MPDZ: variants seen among roughly 807,000 people sequenced by gnomAD.
MPDZ encodes the protein multiple PDZ domain protein.
A neutral mutation model predicts 239.1 loss-of-function variants in MPDZ; 234 were observed. That is an observed-to-expected ratio of 0.98 (90% CI 0.88 to 1.09). The LOEUF is 1.09. Among genes scored for constraint, MPDZ ranks in the 50% least tolerant of loss-of-function variants. The pLI, the probability that MPDZ is intolerant of heterozygous loss-of-function variation, is 0.00. For missense variants in MPDZ, 3,175 were observed against 2,510.0 expected (o/e 1.26, Z -5.66); for synonymous variants, 1,048 against 881.3 (o/e 1.19, Z -3.35).
At position 13,224,500 on chromosome 9, in the gene MPDZ, T is replaced by C. The variant is rs750641038; in HGVS notation, c.267A>G (p.Gln89=). 3 of 1,612,776 alleles carry C rather than the reference T, an allele frequency of 1.9e-6. No homozygotes were observed. The highest frequency in any genetic ancestry group is 2.2e-5 in the East Asian group (1 of 44,814). Residue 89 remains glutamine (Q), a synonymous_variant, in exon 4 of 47, where the codon CAA becomes CAG. Transcript: ENST00000319217. The stretch of plus-strand genomic sequence containing the variant: ...TTGGGGATAATAAAAACGATTCATT[T>C]TGCAGAGTAGGAATCACAGCTGGGC... The part of the protein sequence containing the change: ...HLSPAVIPTL[Q]NESFLLSPNN...
At chr9:13,217,935 G>T (rs1168352287) in intron 8 of MPDZ, among the ~76,000 whole-genome samples, 2 of 151,748 alleles carry the variant, frequency 1.3e-5, no homozygotes, top group Non-Finnish European at 2.9e-5. Flanking sequence ...TTCTATGTTG[G>T]ACTGAAGAGC....
chr9:13,112,798 C>A (rs994754479), intron 42 of MPDZ, among the ~76,000 whole-genome samples: 4 of 152,096 alleles, frequency 2.6e-5, no homozygotes, highest in African/African-American at 7.2e-5. Context: ...CTATTTTCAG[C>A]AAAACAGAGC....
chr9:13,259,995 G>T (rs200748719), intron 1 of MPDZ, among the ~76,000 whole-genome samples: 1 of 151,334 alleles, frequency 6.6e-6, no homozygotes, highest in African/African-American at 2.4e-5. Context: ...CACCACGCCC[G>T]GCTAATTTTT....
At chr9:13,259,144 G>C (rs958088197) in intron 1 of MPDZ, among the ~76,000 whole-genome samples, 3 of 152,066 alleles carry the variant, frequency 2.0e-5, no homozygotes, top group East Asian at 1.9e-4. Context: ...AATCATTTTA[G>C]CTTTCACGCT....
chr9:13,231,420 A>T (rs1376966780), intron 3 of MPDZ, among the ~76,000 whole-genome samples: 1 of 152,062 alleles, frequency 6.6e-6, no homozygotes, highest in Non-Finnish European at 1.5e-5. Flanking sequence ...ACAAAAAATT[A>T]GCTGAGCATG....
rs1457776104 is a variant in MPDZ at position 13,147,667 on chromosome 9, G to A, written c.3631-9C>T. ...AGGTCCATTCCATCCACCTGCAATG[G>A]AAGGCCTCAGCTTAACATTTCAAGA... On this transcript the variant is annotated splice_polypyrimidine_tract_variant and intron_variant, in intron 25 of 46. Coordinates refer to ENST00000319217, the MANE Select transcript of MPDZ (RefSeq NM_001378778.1). 6.9e-6 allele frequency: 11 copies of A among 1,598,204 alleles called. No individual in the cohort carries two copies. The highest frequency in any genetic ancestry group is 6.6e-5 in the South Asian group (6 of 90,548).
intron 10 of MPDZ, among the ~76,000 whole-genome samples, chr9:13,214,430 A>C (rs1157752731): frequency 6.6e-6 from 1 of 151,914 alleles, no homozygotes; most frequent in African/African-American, 2.4e-5. Context: ...ATGGGGGAGA[A>C]GGTGACTGCT....
intron 36 of MPDZ, 132 bp from the exon 37 acceptor site, chr9:13,122,302 C>G (rs559237115): frequency 2.7e-6 from 2 of 750,856 alleles, no homozygotes; most frequent in Admixed American, 5.6e-5. Context: ...ACAGTACAAG[C>G]TCCATATAAT....
At chr9:13,205,583 G>C (rs1956892362) in intron 11 of MPDZ, among the ~76,000 whole-genome samples, 1 of 152,108 alleles carries the variant, frequency 6.6e-6, no homozygotes, top group South Asian at 2.1e-4. Context: ...TCCCCCTAAA[G>C]TGAGAACATT....
chr9:13,110,686 T>A lies in MPDZ; in HGVS notation c.5779A>T (p.Thr1927Ser). The change falls in exon 44 of 47, where the codon ACC becomes TCC. Residue 1927 changes from threonine (T) to serine (S), a missense_variant. Physicochemically the swap from Thr to Ser is moderately conservative, Grantham distance 58. Transcript: ENST00000319217. ...TTTTTCAGTAGGTTAACTGCTTGGG[T>A]GTGAGTCATGCCCTCAGTGGATGTG... is the stretch of plus-strand genomic sequence containing the variant. Reference protein sequence around the residue: ...CGTSTEGMTHTQAVNLLKNAS... With the variant: ...CGTSTEGMTHSQAVNLLKNAS... 1 of 1,613,698 alleles carries A rather than the reference T, an allele frequency of 6.2e-7. No individual in the cohort carries two copies. Among genetic ancestry groups the A allele is most frequent in the East Asian group, 2.2e-5 (1 of 44,854 alleles).
intron 4 of MPDZ, 117 bp downstream of exon 4, chr9:13,224,257 G>A: frequency 1.0e-6 from 1 of 985,500 alleles, no homozygotes; most frequent in East Asian, 2.5e-5. Context: ...CTGACTTTTT[G>A]TTCCAATGTT....
In MPDZ at chr9:13,192,160, C is replaced by A; in HGVS notation, c.1939G>T (p.Asp647Tyr). Residue 647 changes from aspartate to tyrosine, a missense_variant, in exon 15 of 47, where the codon GAC (aspartate) becomes TAC (tyrosine). Asp to Tyr is a radical substitution (Grantham distance 160). Coordinates refer to ENST00000319217, the MANE Select transcript of MPDZ (RefSeq NM_001378778.1). ...PTTQSELDSLDLCDIELTEKP... is the reference protein window; with the variant it reads ...PTTQSELDSLYLCDIELTEKP... The stretch of plus-strand genomic sequence containing the variant: ...TCTGTTAGCTCAATATCACATAAGT[C>A]CAGGCTATCCAATTCTGATTGGGTG... The A allele has an allele frequency of 6.2e-7, 1 of 1,609,284 alleles. No homozygotes were observed. Among genetic ancestry groups the A allele is most frequent in the East Asian group, 2.2e-5 (1 of 44,650 alleles).
In MPDZ at chr9:13,188,914, A is replaced by G. The variant is rs1954519934; in HGVS notation, c.2234T>C (p.Leu745Pro). ...PGGIAEKDGRLLPGDRLMFVN... is the reference protein window; with the variant it reads ...PGGIAEKDGRPLPGDRLMFVN... ...AAACATGAGTCGGTCACCAGGAAGAAGTCGTCCATCCTTTTCAGCAATGCC... is the reference window on the plus strand; with the variant it reads ...AAACATGAGTCGGTCACCAGGAAGAGGTCGTCCATCCTTTTCAGCAATGCC... Residue 745 changes from leucine to proline, a missense_variant, in exon 17 of 47, where the codon CTT becomes CCT. Coordinates refer to ENST00000319217, the MANE Select transcript of MPDZ (RefSeq NM_001378778.1). 1 of 1,613,550 alleles carries G rather than the reference A, an allele frequency of 6.2e-7. No individual in the cohort carries two copies. The highest frequency in any genetic ancestry group is 1.7e-4 in the Middle Eastern group (1 of 6,058).
intron 26 of MPDZ, among the ~76,000 whole-genome samples, 168 bp from the exon 27 acceptor site, chr9:13,143,732 G>C (rs1199410217): frequency 1.3e-5 from 2 of 151,968 alleles, no homozygotes; most frequent in Admixed American, 6.6e-5. Context: ...CTAAAGATTT[G>C]TCTCTAATGA....
Position 13,250,405 on chromosome 9 carries a change from T to C in MPDZ, c.-57-33A>G, listed in dbSNP as rs991749718. On this transcript the variant is annotated intron_variant, in intron 1 of 46. Transcript: ENST00000319217. ...AAAAAGAAATAGAATGGTTATGTTTTATCAGAACTTTATATTCTAAAGCTA... is the reference window on the plus strand; with the variant it reads ...AAAAAGAAATAGAATGGTTATGTTTCATCAGAACTTTATATTCTAAAGCTA... 38 of 1,148,764 alleles carry C rather than the reference T, an allele frequency of 3.3e-5. No homozygotes were observed. The South Asian group carries it at 4.8e-4, about 15-fold the overall frequency. The allele number at this position is 1,148,764 out of a possible 1,614,324, so 71.2% of individuals were successfully genotyped here.
At chr9:13,116,735 T>G (rs75372350) in intron 39 of MPDZ, among the ~76,000 whole-genome samples, 4,316 of 152,230 alleles carry the variant, frequency 0.028, 206 homozygotes, top group South Asian at 0.11. Flanking sequence ...AAAGTGTTAA[T>G]TTTTCCAATA....
At chr9:13,134,430 C>A (rs1402634771) in intron 31 of MPDZ, 1 of 152,114 alleles carries the variant, frequency 6.6e-6, no homozygotes, top group Non-Finnish European at 1.5e-5. Flanking sequence ...TCTTAAATAA[C>A]CACGTGGCTT....
intron 35 of MPDZ, among the ~76,000 whole-genome samples, chr9:13,124,017 A>G (rs1476701515): frequency 6.6e-6 from 1 of 152,148 alleles, no homozygotes; most frequent in Non-Finnish European, 1.5e-5. Context: ...TCTTCATATC[A>G]TATGTTTTAC....
chr9:13,125,643 T>C lies in MPDZ; in HGVS notation c.4633-253A>G, dbSNP rs1479782831. ...AAGTCTAGCTCTGACCACATTTTTT[T>C]CTTATATAAGACTTTCAACTTTTTA... On this transcript the variant is annotated intron_variant, in intron 34 of 46. Transcript: ENST00000319217. Among the ~76,000 whole-genome samples the C allele has an allele frequency of 3.9e-5, 6 of 152,318 alleles. No homozygotes were observed. The East Asian group carries it at 5.8e-4, about 15-fold the overall frequency.
Sources: allele counts gnomAD v4.1 joint callset (sites outside exome capture counted in the v4.1 genomes callset), GRCh38; gene constraint gnomAD v4.1.1; transcripts MANE v1.5; gene names NCBI Gene and HGNC (gene_info 2026-07-23, HGNC 2026-07-21).